Variants in ELOVL6 observed in about 807,000 individuals in gnomAD.
The protein encoded by ELOVL6 is very long chain fatty acid elongase 6.
In ELOVL6, 8 loss-of-function variants were observed where a neutral mutation model predicts 31.7. The observed-to-expected ratio is 0.25, with a 90% CI of 0.15 to 0.45. ELOVL6 has a LOEUF of 0.45. Ranked by LOEUF, ELOVL6 falls within the 20% of genes least tolerant of loss-of-function variation. ELOVL6 has a pLI of 1.00. For synonymous variants in ELOVL6, 101 were observed against 117.7 expected (o/e 0.86, Z 0.92); for missense variants, 126 against 326.4 (o/e 0.39, Z 4.73).
At chr4:110,105,409 C>G in intron 2 of ELOVL6, 88 bp downstream of exon 2, 1 of 1,340,718 alleles carries the variant, frequency 7.5e-7, no homozygotes, top group Non-Finnish European at 1.0e-6. Context: ...TCAAAAATAT[C>G]AGATTTAAAA....
intron 1 of ELOVL6, among the ~76,000 whole-genome samples, chr4:110,119,102 T>A (rs1757270274): frequency 6.6e-6 from 1 of 152,102 alleles, no homozygotes. Flanking sequence ...AGAGTAGCAA[T>A]AGCTCTATTT....
intron 1 of ELOVL6, among the ~76,000 whole-genome samples, chr4:110,162,567 C>A (rs1223672573): frequency 2.6e-5 from 2 of 77,540 alleles, no homozygotes; most frequent in African/African-American, 7.1e-5. Flanking sequence ...TAGTCTCCAA[C>A]TCCTAGGCTC....
intron 1 of ELOVL6, among the ~76,000 whole-genome samples, chr4:110,143,628 A>T (rs1402027470): frequency 6.6e-6 from 1 of 151,346 alleles, no homozygotes; most frequent in Non-Finnish European, 1.5e-5. Flanking sequence ...CCTAAAAAGG[A>T]ACCTACACTT....
intron 2 of ELOVL6, among the ~76,000 whole-genome samples, chr4:110,082,078 A>C (rs1431371568): frequency 6.8e-6 from 1 of 146,358 alleles, no homozygotes; most frequent in Non-Finnish European, 1.5e-5. Flanking sequence ...GGCAATCATT[A>C]AAAAGTCAGG....
intron 2 of ELOVL6, among the ~76,000 whole-genome samples, chr4:110,079,701 AG>A (rs1191090351): frequency 6.6e-6 from 1 of 152,194 alleles, no homozygotes; most frequent in East Asian, 1.9e-4. Context: ...GAGCAAACAC[AG>A]TCAAAAACTA....
intron 1 of ELOVL6, among the ~76,000 whole-genome samples, chr4:110,151,520 T>C (rs1299087381): frequency 6.6e-6 from 1 of 152,180 alleles, no homozygotes; most frequent in Non-Finnish European, 1.5e-5. Flanking sequence ...TGTACCATTG[T>C]TATATTAATG....
chr4:110,125,420 A>T (rs1016993514), intron 1 of ELOVL6, among the ~76,000 whole-genome samples: 1 of 152,216 alleles, frequency 6.6e-6, no homozygotes, highest in Non-Finnish European at 1.5e-5. Flanking sequence ...CAGTGGCTCT[A>T]TGAATGAAAG....
chr4:110,138,106 C>G (rs1464612209), intron 1 of ELOVL6, among the ~76,000 whole-genome samples: 1 of 152,186 alleles, frequency 6.6e-6, no homozygotes, highest in East Asian at 1.9e-4. Flanking sequence ...TTCTAAAGAG[C>G]AGTGACCTAA....
At position 110,056,123 on chromosome 4, in the gene ELOVL6, G is replaced by GGGA. The variant is rs1553953500; in HGVS notation, c.373+3479_373+3480insTCC. On this transcript the variant is annotated intron_variant, in intron 3 of 3. Transcript: ENST00000302274. ...ACAAGAGTTTGAGTTTGTGGGAGCTGGGGGGGGGGATACAGTTTCAGTACT... is the reference window on the plus strand; with the variant it reads ...ACAAGAGTTTGAGTTTGTGGGAGCTGGGAGGGGGGGGGATACAGTTTCAGTACT... Among the ~76,000 whole-genome samples the GGGA allele has an allele frequency of 1.8e-4, 11 of 60,484 alleles. No homozygotes were observed. In the East Asian group the frequency reaches 3.2e-3, roughly 18 times the overall value. 39.7% of individuals were successfully genotyped at this position (60,484 alleles called of 152,430 possible).
At chr4:110,138,174 A>T (rs1379511572) in intron 1 of ELOVL6, among the ~76,000 whole-genome samples, 3 of 152,244 alleles carry the variant, frequency 2.0e-5, no homozygotes, top group Admixed American at 1.3e-4. Flanking sequence ...ATTCACTTTT[A>T]ACTTTTAACT....
At chr4:110,052,736 G>A (rs1754867264) in intron 3 of ELOVL6, among the ~76,000 whole-genome samples, 1 of 152,154 alleles carries the variant, frequency 6.6e-6, no homozygotes, top group Non-Finnish European at 1.5e-5. Flanking sequence ...CAAGCCCAGT[G>A]AAAAATATAC....
At chr4:110,188,546 C>T (rs75390571) in intron 1 of ELOVL6, among the ~76,000 whole-genome samples, 7,862 of 152,080 alleles carry the variant, frequency 0.052, 263 homozygotes, top group Middle Eastern at 0.1. Context: ...AGTTGTCCAT[C>T]GTGCAAAAGA....
chr4:110,066,453 G>C (rs370984570), intron 2 of ELOVL6, among the ~76,000 whole-genome samples: 1 of 151,448 alleles, frequency 6.6e-6, no homozygotes, highest in African/African-American at 2.4e-5. Flanking sequence ...TGGCTAACAC[G>C]GTGAAACCCC....
In ELOVL6 at chr4:110,061,549, C is replaced by CTTTTTTTTTTTTTTTTTTTTT. The variant is rs57846282; in HGVS notation, c.222-1816_222-1796dup. Among the ~76,000 whole-genome samples the CTTTTTTTTTTTTTTTTTTTTT allele has an allele frequency of 3.5e-4, 25 of 72,376 alleles. 3 individuals carry two copies. Among genetic ancestry groups the CTTTTTTTTTTTTTTTTTTTTT allele is most frequent in the East Asian group, 1.0e-3 (2 of 1,970 alleles). The allele number at this position is 72,376 out of a possible 152,430, so 47.5% of individuals were successfully genotyped here. A position where few individuals can be genotyped will look rare whatever the true frequency, so the allele number is the denominator to read the frequency against. ...CTGTCTTTCCCTCACCAAATGATGG[C>CTTTTTTTTTTTTTTTTTTTTT]TTTTTTTTTTTTTTTTTTTTTTTTT... is the stretch of plus-strand genomic sequence containing the variant. On this transcript the variant is annotated intron_variant, in intron 2 of 3. Coordinates refer to ENST00000302274, the MANE Select transcript of ELOVL6 (RefSeq NM_024090.3).
At chr4:110,177,969 T>C (rs1759161186) in intron 1 of ELOVL6, among the ~76,000 whole-genome samples, 2 of 152,188 alleles carry the variant, frequency 1.3e-5, no homozygotes, top group South Asian at 4.1e-4. Flanking sequence ...AAAACAATTG[T>C]AATACTATTA....
intron 2 of ELOVL6, among the ~76,000 whole-genome samples, chr4:110,070,828 C>T (rs1055343149): frequency 6.6e-6 from 1 of 152,150 alleles, no homozygotes; most frequent in African/African-American, 2.4e-5. Context: ...TGAGGCCTCC[C>T]CAGCCATGCT....
intron 1 of ELOVL6, among the ~76,000 whole-genome samples, chr4:110,146,075 A>G (rs902667653): frequency 6.6e-6 from 1 of 152,142 alleles, no homozygotes; most frequent in African/African-American, 2.4e-5. Flanking sequence ...AAGCTGGAGC[A>G]TTTCCTTACT....
At chr4:110,198,215 CG>C (rs1346785471) in intron 1 of ELOVL6, 31 bp downstream of exon 1, 1 of 1,357,656 alleles carries the variant, frequency 7.4e-7, no homozygotes, top group African/African-American at 1.4e-5. Context: ...GCAGGGCTCC[CG>C]GGAACAGTAT....
intron 2 of ELOVL6, among the ~76,000 whole-genome samples, chr4:110,102,777 C>G (rs1756785522): frequency 6.6e-6 from 1 of 152,006 alleles, no homozygotes; most frequent in African/African-American, 2.4e-5. Context: ...CACCAACAAC[C>G]ACCTTTAGTA....
Sources: allele counts gnomAD v4.1 joint callset (sites outside exome capture counted in the v4.1 genomes callset), GRCh38; gene constraint gnomAD v4.1.1; transcripts MANE v1.5; gene names NCBI Gene and HGNC (gene_info 2026-07-23, HGNC 2026-07-21).